Variants in PRELID2 observed in about 807,000 individuals in gnomAD.
PRELID2 encodes PRELI domain-containing protein 2.
PRELID2 carries 25 observed loss-of-function variants against 28.4 expected under a neutral mutation model. The ratio of observed to expected loss-of-function variants is 0.88; its 90% confidence interval spans 0.64 to 1.23. The LOEUF (loss-of-function observed/expected upper bound fraction) is 1.23. Among genes scored for constraint, PRELID2 ranks in the 50% most tolerant of loss-of-function variants. PRELID2 has a pLI of 0.00. For synonymous variants in PRELID2, 76 were observed against 71.6 expected, an observed-to-expected ratio of 1.06 and a Z score of -0.31; for missense variants, 201 against 214.4, an observed-to-expected ratio of 0.94 and a Z score of 0.39.
At chr5:145,593,821 C>T (rs1394148922) in intron 1 of PRELID2, among the ~76,000 whole-genome samples, 3 of 152,114 alleles carry the variant, frequency 2.0e-5, no homozygotes, top group African/African-American at 7.2e-5. Flanking sequence ...AAGAGAGACT[C>T]AAGTGATATA....
At chr5:145,427,634 C>G in the PRELID2 span, among the ~76,000 whole-genome samples, 1 of 152,064 alleles carries the variant, frequency 6.6e-6, no homozygotes, top group African/African-American at 2.4e-5. Flanking sequence ...GATATACTGA[C>G]AAAAGGAACG....
the PRELID2 span, among the ~76,000 whole-genome samples, chr5:145,368,129 A>C: frequency 6.6e-6 from 1 of 151,958 alleles, no homozygotes; most frequent in Non-Finnish European, 1.5e-5. Flanking sequence ...GTCTTCCCCA[A>C]CTGGAACATG....
chr5:145,371,740 C>T, the PRELID2 span, among the ~76,000 whole-genome samples: 17 of 151,308 alleles, frequency 1.1e-4, no homozygotes, highest in African/African-American at 3.4e-4. Flanking sequence ...CCATTTTTGC[C>T]TAGAGATGTT....
At chr5:145,574,481 C>T (rs1160132000) in intron 1 of PRELID2, among the ~76,000 whole-genome samples, 1 of 152,164 alleles carries the variant, frequency 6.6e-6, no homozygotes, top group African/African-American at 2.4e-5. Flanking sequence ...CCCTGCTGCC[C>T]CACTCTGAGG....
chr5:145,251,569 T>C, the PRELID2 span, among the ~76,000 whole-genome samples: 1 of 152,154 alleles, frequency 6.6e-6, no homozygotes, highest in African/African-American at 2.4e-5. Flanking sequence ...CAGCTGGTGA[T>C]GGGTAGTCAA....
At chr5:145,641,316 G>A (rs184787430) in intron 1 of PRELID2, among the ~76,000 whole-genome samples, 19 of 152,044 alleles carry the variant, frequency 1.2e-4, no homozygotes, top group Non-Finnish European at 2.5e-4. Context: ...AGAGAAATAG[G>A]TAAAAGATAT....
In PRELID2 at chr5:145,601,494, CT is replaced by C. The variant is rs1323262612; in HGVS notation, n.71-128180del. On this transcript the variant is annotated intron_variant and non_coding_transcript_variant, in intron 1 of 2. Transcript: ENST00000510259. The stretch of plus-strand genomic sequence containing the variant: ...GCGATAAGATTTGAAGTTTCTACAT[CT>C]GTTAATGGGGAGCTAGATAATTCGG... Among the ~76,000 whole-genome samples the C allele has an allele frequency of 2.0e-5, 3 of 152,196 alleles. No individual in the cohort carries two copies. In the South Asian group the frequency reaches 6.2e-4, roughly 32 times the overall value.
chr5:145,699,225 A>T (rs1354411992), intron 1 of PRELID2, among the ~76,000 whole-genome samples: 1 of 152,186 alleles, frequency 6.6e-6, no homozygotes, highest in East Asian at 1.9e-4. Context: ...GATGGGACCC[A>T]GAGATGGAGC....
chr5:145,416,695 T>C, the PRELID2 span, among the ~76,000 whole-genome samples: 1 of 151,962 alleles, frequency 6.6e-6, no homozygotes, highest in Non-Finnish European at 1.5e-5. Context: ...AACAAAAAGC[T>C]AGAAAGATCT....
chr5:145,519,424 T>A (rs1460077452), intron 1 of PRELID2, among the ~76,000 whole-genome samples: 3 of 152,194 alleles, frequency 2.0e-5, no homozygotes, highest in Non-Finnish European at 2.9e-5. Flanking sequence ...TTGAGATACA[T>A]CCTAAGTTTT....
the PRELID2 span, among the ~76,000 whole-genome samples, chr5:145,389,635 G>A: frequency 6.6e-6 from 1 of 152,072 alleles, no homozygotes; most frequent in African/African-American, 2.4e-5. Context: ...CAAATGAATT[G>A]AAATTAAAAC....
the PRELID2 span, among the ~76,000 whole-genome samples, chr5:145,372,913 TATG>T: frequency 1.5e-5 from 1 of 66,664 alleles, no homozygotes; most frequent in Non-Finnish European, 3.1e-5. Flanking sequence ...ATATAATATA[TATG>T]ATATTATATA....
intron 1 of PRELID2, among the ~76,000 whole-genome samples, chr5:145,616,594 G>C (rs1448109593): frequency 1.3e-5 from 2 of 152,140 alleles, no homozygotes; most frequent in East Asian, 1.9e-4. Context: ...AAACCAGCAA[G>C]TTTTTATTAG....
the PRELID2 span, among the ~76,000 whole-genome samples, chr5:145,439,152 G>A: frequency 1.0e-3 from 156 of 152,216 alleles, 1 homozygote; most frequent in East Asian, 0.025. Flanking sequence ...TCAAATGTGT[G>A]GGATCAGATG....
chr5:145,497,493 G>A (rs1159742511), intron 1 of PRELID2, among the ~76,000 whole-genome samples: 1 of 152,042 alleles, frequency 6.6e-6, no homozygotes, highest in Non-Finnish European at 1.5e-5. Flanking sequence ...TTTCTACTAA[G>A]ATATTACAGA....
the PRELID2 span, among the ~76,000 whole-genome samples, chr5:145,332,411 C>T: frequency 2.6e-5 from 4 of 152,128 alleles, no homozygotes; most frequent in Non-Finnish European, 4.4e-5. Flanking sequence ...ACCAATCAAA[C>T]GTGAGTTTGG....
chr5:145,799,270 C>A (rs1041208581), intron 4 of PRELID2, among the ~76,000 whole-genome samples: 2 of 148,036 alleles, frequency 1.4e-5, no homozygotes, highest in Admixed American at 6.7e-5. Flanking sequence ...CTACATCCAG[C>A]AAAACTATCC....
At chr5:145,466,188 A>G in the PRELID2 span, among the ~76,000 whole-genome samples, 1 of 152,178 alleles carries the variant, frequency 6.6e-6, no homozygotes, top group African/African-American at 2.4e-5. Flanking sequence ...AAAACAGATA[A>G]GAACATCTAA....
the PRELID2 span, among the ~76,000 whole-genome samples, chr5:145,333,024 C>T: frequency 1.3e-5 from 2 of 152,242 alleles, no homozygotes; most frequent in East Asian, 3.9e-4. Context: ...ACAGTCAAGC[C>T]CCTCTGCTGC....
Sources: gnomAD v4.1 joint callset for allele counts (sites outside exome capture counted in the v4.1 genomes callset) on GRCh38, gnomAD v4.1.1 for gene constraint, MANE v1.5 for transcripts, NCBI Gene and HGNC (gene_info 2026-07-23, HGNC 2026-07-21) for gene names.